The following ZNF45 variants were observed in gnomAD, a reference collection of about 807,000 sequenced individuals.
The protein encoded by ZNF45 is BRC1744.
Under a neutral mutation model 12.0 loss-of-function variants are expected in ZNF45, and 4 were observed. That is an observed-to-expected ratio of 0.33 (90% CI 0.16 to 0.76). The LOEUF is 0.76. ZNF45 is among the 30% of genes least tolerant of loss of function. The pLI, the probability that ZNF45 is intolerant of heterozygous loss-of-function variation, is 0.60. For missense variants in ZNF45, 700 were observed against 813.0 expected (o/e 0.86, Z 1.69); for synonymous variants, 272 against 279.6 (o/e 0.97, Z 0.27).
intron 3 of ZNF45, among the ~76,000 whole-genome samples, chr19:43,928,250 T>G (rs1281717731): frequency 1.3e-5 from 2 of 150,276 alleles, no homozygotes; most frequent in Non-Finnish European, 3.0e-5. Context: ...TTATTCTTAG[T>G]AAACTAATAC....
intron 3 of ZNF45, among the ~76,000 whole-genome samples, chr19:43,926,948 G>A (rs752628457): frequency 3.9e-5 from 6 of 152,202 alleles, no homozygotes; most frequent in Admixed American, 6.5e-5. Flanking sequence ...CTGGAAAGGA[G>A]AGTAAAAAGA....
chr19:43,925,081 A>G (rs1004119019), intron 4 of ZNF45: 3 of 152,128 alleles, frequency 2.0e-5, no homozygotes, highest in Admixed American at 1.3e-4. Flanking sequence ...AAGCCTCCAT[A>G]ATGGGATTGC....
At chr19:43,934,124 C>T (rs1974341594) in intron 2 of ZNF45, among the ~76,000 whole-genome samples, 1 of 152,136 alleles carries the variant, frequency 6.6e-6, no homozygotes, top group African/African-American at 2.4e-5. Context: ...GACACAAATC[C>T]CACTGTTCTT....
intron 9 of ZNF45, 130 bp downstream of exon 9, chr19:43,918,740 T>C: frequency 1.5e-6 from 1 of 682,146 alleles, no homozygotes; most frequent in Non-Finnish European, 2.5e-6. Context: ...AAATTAGAAT[T>C]AGATTAGATA....
chr19:43,914,524 A>C lies in ZNF45; in HGVS notation c.912T>G (p.Tyr304Ter). The change falls in exon 10 of 10, where the codon TAT (tyrosine) becomes TAG (stop). Residue 304 changes from tyrosine to a stop codon, truncating the protein, a stop_gained. Transcript: ENST00000269973. LOFTEE classifies it low-confidence loss of function (END_TRUNC). Reference protein sequence around the residue: ...HLKVHTGKKPYKCEECGKSFS... With the variant: ...HLKVHTGKKP Reference sequence around the variant, plus strand: ...AGCTCTTCCCACACTCTTCACACTTATATGGTTTCTTTCCAGTGTGAACTT... The same window carrying C: ...AGCTCTTCCCACACTCTTCACACTTCTATGGTTTCTTTCCAGTGTGAACTT... 6.2e-7 allele frequency: 1 copy of C among 1,612,462 alleles called. No homozygotes were observed. Among genetic ancestry groups the C allele is most frequent in the Non-Finnish European group, 8.5e-7 (1 of 1,178,904 alleles).
Position 43,912,971 on chromosome 19 carries a change from A to G in ZNF45, c.*416T>C, listed in dbSNP as rs1003136066. The stretch of plus-strand genomic sequence containing the variant: ...TGAGTACAATTTTAGAGAAACTTCT[A>G]GAGATAAATAAAAATGTCAAATATT... On this transcript the variant is annotated 3_prime_UTR_variant, in exon 10 of 10. Transcript: ENST00000269973. 1.9e-4 allele frequency: 30 copies of G among 157,244 alleles called. No individual in the cohort carries two copies. Among genetic ancestry groups the G allele is most frequent in the Non-Finnish European group, 4.1e-4 (29 of 71,300 alleles). 9.7% of individuals were successfully genotyped at this position (157,244 alleles called of 1,614,324 possible). A position where few individuals can be genotyped will look rare whatever the true frequency, so the allele number is the denominator to read the frequency against.
rs62640885 is a variant in ZNF45, at chr19:43,919,660, C to T, written c.55G>A (p.Glu19Lys). The change falls in exon 8 of 10, where the codon GAG (glutamate) becomes AAG (lysine). Residue 19 changes from glutamate (E) to lysine (K), a missense_variant. Physicochemically the swap from Glu to Lys is moderately conservative, Grantham distance 56. Coordinates refer to ENST00000269973, the MANE Select transcript of ZNF45 (RefSeq NM_003425.4). The part of the protein sequence containing the change: ...TFKDVAVVFS[E>K]EELQLLDLAQ... Reference sequence around the variant, plus strand: ...AGGTCCAGCAGTTGCAGCTCCTCCTCAGAGAAGACCACAGCCACGTCCTTG... The same window carrying T: ...AGGTCCAGCAGTTGCAGCTCCTCCTTAGAGAAGACCACAGCCACGTCCTTG... 9.4e-4 allele frequency: 1,515 copies of T among 1,613,022 alleles called. 17 individuals carry two copies. In the African/African-American group the frequency reaches 0.019, roughly 20 times the overall value.
rs1972475074 is a variant in ZNF45 at position 43,914,505 on chromosome 19, T to A, written c.931A>T (p.Lys311Ter). Residue 311 changes from lysine (K) to a stop codon, truncating the protein, a stop_gained, in exon 10 of 10, where the codon AAG (lysine) becomes TAG (stop). Transcript: ENST00000269973. LOFTEE classifies it low-confidence loss of function (END_TRUNC). The stretch of plus-strand genomic sequence containing the variant: ...AGTCGTGAACGCCAACTGAAGCTCT[T>A]CCCACACTCTTCACACTTATATGGT... ...KKPYKCEECG[K>*]SFSWRSRLQA... 1 of 1,613,552 alleles carries A rather than the reference T, an allele frequency of 6.2e-7. No homozygotes were observed. The highest frequency in any genetic ancestry group is 1.3e-5 in the African/African-American group (1 of 74,906).
rs1972373824 is a variant in ZNF45 at position 43,913,520 on chromosome 19, G to C, written c.1916C>G (p.Pro639Arg). The C allele has an allele frequency of 1.2e-6, 2 of 1,613,842 alleles. No individual in the cohort carries two copies. The highest frequency in any genetic ancestry group is 1.7e-6 in the Non-Finnish European group (2 of 1,179,882). The change falls in exon 10 of 10, where the codon CCA becomes CGA. Residue 639 changes from proline to arginine, a missense_variant. Physicochemically the swap from Pro to Arg is moderately radical, Grantham distance 103. Coordinates refer to ENST00000269973, the MANE Select transcript of ZNF45 (RefSeq NM_003425.4). The part of the protein sequence containing the change: ...AHQRVHTGEK[P>R]YKCEECGKGF... The stretch of plus-strand genomic sequence containing the variant: ...CTTCCCACACTCCTCACATTTGTAT[G>C]GTTTTTCTCCGGTGTGAACTCTTTG...
intron 3 of ZNF45, among the ~76,000 whole-genome samples, chr19:43,930,231 T>C (rs1974012598): frequency 6.6e-6 from 1 of 152,184 alleles, no homozygotes; most frequent in Admixed American, 6.5e-5. Flanking sequence ...GCCTCTTTTA[T>C]AAGAGCATTA....
At position 43,914,167 on chromosome 19, in the gene ZNF45, C is replaced by A; in HGVS notation, c.1269G>T (p.Lys423Asn). Residue 423 changes from lysine (K) to asparagine (N), a missense_variant, in exon 10 of 10, where the codon AAG (lysine) becomes AAT (asparagine). Lys to Asn is a moderately conservative substitution (Grantham distance 94, BLOSUM62 0). Coordinates refer to ENST00000269973, the MANE Select transcript of ZNF45 (RefSeq NM_003425.4). ...TAAAATCTGAGCTACGACTGAAGCC[C>A]TTACCACATGCATCACACTGATACG... ...EKPYQCDACG[K>N]GFSRSSDFNI... 1.2e-6 allele frequency: 2 copies of A among 1,608,754 alleles called. No homozygotes were observed.
Position 43,935,270 on chromosome 19 carries a change from C to A in ZNF45, c.-1102G>T, listed in dbSNP as rs379722. 0.97 allele frequency: 148,216 copies of A among 152,372 alleles called. 72,219 individuals are homozygous for A. Among genetic ancestry groups the A allele is most frequent in the East Asian group, 1 (5,174 of 5,174 alleles). 9.4% of individuals were successfully genotyped at this position (152,372 alleles called of 1,614,324 possible). On this transcript the variant is annotated 5_prime_UTR_variant, in exon 1 of 10. Coordinates refer to ENST00000269973, the MANE Select transcript of ZNF45 (RefSeq NM_003425.4). ...GAAGGCCGCGCTCTCAACCTCTTGC[C>A]GCGGAAGTGCCCGGGAGAGCAGGGA...
intron 3 of ZNF45, chr19:43,929,877 C>A (rs1973984015): frequency 1.3e-5 from 2 of 152,160 alleles, no homozygotes; most frequent in African/African-American, 4.8e-5. Flanking sequence ...AAGTGCAAGT[C>A]CCCTGGGCTG....
In ZNF45 at chr19:43,920,542, G is replaced by T. The variant is rs924387665; in HGVS notation, c.16-843C>A. Among the ~76,000 whole-genome samples, 17 of 132,424 alleles carry T rather than the reference G, an allele frequency of 1.3e-4. 1 individual carries two copies. The highest frequency in any genetic ancestry group is 4.5e-4 in the African/African-American group (17 of 37,826). The allele number at this position is 132,424 out of a possible 152,430, so 86.9% of individuals were successfully genotyped here. On this transcript the variant is annotated intron_variant, in intron 7 of 9. Coordinates refer to ENST00000269973, the MANE Select transcript of ZNF45 (RefSeq NM_003425.4). The stretch of plus-strand genomic sequence containing the variant: ...TTTCCAGATGTTGCCGGGTGGGGGG[G>T]GGGGGCAGTGGGCGGTAAAGTCACC...
At chr19:43,927,950 G>A (rs148444866) in intron 3 of ZNF45, among the ~76,000 whole-genome samples, 1,952 of 152,054 alleles carry the variant, frequency 0.013, 25 homozygotes, top group South Asian at 0.034. Flanking sequence ...TGAGGCAGGC[G>A]GATCACCTGA....
chr19:43,917,593 C>A (rs1972794678), intron 9 of ZNF45, among the ~76,000 whole-genome samples: 1 of 152,192 alleles, frequency 6.6e-6, no homozygotes, highest in Admixed American at 6.5e-5. Flanking sequence ...TCAAGTGATT[C>A]TCCTACCTCA....
intron 3 of ZNF45, among the ~76,000 whole-genome samples, chr19:43,928,944 C>T (rs1973904791): frequency 6.6e-6 from 1 of 152,228 alleles, no homozygotes; most frequent in Admixed American, 6.5e-5. Context: ...AAATTCTTCA[C>T]ATGTAGTATC....
At chr19:43,919,721 A>C (rs1422660525) in intron 7 of ZNF45, 22 bp from the exon 8 acceptor site, 1 of 1,607,214 alleles carries the variant, frequency 6.2e-7, no homozygotes, top group Non-Finnish European at 8.5e-7. Context: ...AACACACTCC[A>C]CCTAAATCTT....
At position 43,914,635 on chromosome 19, in the gene ZNF45, C is replaced by A; in HGVS notation, c.801G>T (p.Leu267=). 6.2e-7 allele frequency: 1 copy of A among 1,613,602 alleles called. No individual in the cohort carries two copies. Among genetic ancestry groups the A allele is most frequent in the Non-Finnish European group, 8.5e-7 (1 of 1,179,674 alleles). Residue 267 remains leucine (L), a synonymous_variant, in exon 10 of 10, where the codon CTG becomes CTT. Coordinates refer to ENST00000269973, the MANE Select transcript of ZNF45 (RefSeq NM_003425.4). ...VGKSSHCQAP[L]IVHTGEKPYK... is the part of the protein sequence containing the mutation. The stretch of plus-strand genomic sequence containing the variant: ...AGGGTTTCTCTCCCGTATGAACTAT[C>A]AGAGGAGCTTGACAATGTGAGCTTT...
Sources: gnomAD v4.1 joint callset for allele counts (sites outside exome capture counted in the v4.1 genomes callset) on GRCh38, gnomAD v4.1.1 for gene constraint, MANE v1.5 for transcripts, NCBI Gene and HGNC (gene_info 2026-07-23, HGNC 2026-07-21) for gene names.